Variants in NUBPL observed in about 807,000 individuals in gnomAD.
The protein encoded by NUBPL is iron-sulfur cluster transfer protein NUBPL.
Under a neutral mutation model 45.7 loss-of-function variants are expected in NUBPL, and 31 were observed. The observed-to-expected ratio is 0.68, with a 90% CI of 0.51 to 0.92. The LOEUF is 0.92. Among genes scored for constraint, NUBPL ranks in the 40% least tolerant of loss-of-function variants. NUBPL has a pLI of 0.00. For synonymous variants in NUBPL, 144 were observed against 140.9 expected, an observed-to-expected ratio of 1.02 and a Z score of -0.15; for missense variants, 401 against 398.7, an observed-to-expected ratio of 1.01 and a Z score of -0.05.
At chr14:31,574,920 A>G (rs2033682639) in intron 3 of NUBPL, among the ~76,000 whole-genome samples, 1 of 152,026 alleles carries the variant, frequency 6.6e-6, no homozygotes. Flanking sequence ...TTACATTTTT[A>G]CTGATTTTTC....
At chr14:31,743,765 C>G (rs1314227942) in intron 6 of NUBPL, among the ~76,000 whole-genome samples, 1 of 152,062 alleles carries the variant, frequency 6.6e-6, no homozygotes, top group Non-Finnish European at 1.5e-5. Flanking sequence ...GAAAAGTTTA[C>G]CACTAGAGAG....
chr14:31,620,841 T>C (rs2035039917), intron 4 of NUBPL, among the ~76,000 whole-genome samples: 1 of 152,172 alleles, frequency 6.6e-6, no homozygotes, highest in Non-Finnish European at 1.5e-5. Flanking sequence ...TCTTCAGAGC[T>C]GTTAGGCAGG....
chr14:31,562,527 C>A lies in NUBPL; in HGVS notation c.256+312C>A, dbSNP rs528516566. On this transcript the variant is annotated intron_variant, in intron 2 of 10. Transcript: ENST00000281081. ...TGGTTATTCAAATTGCACAAGCTAA[C>A]CACTTAGCTTAGTGTTTACTAGTGT... Among the ~76,000 whole-genome samples, 36 of 151,970 alleles carry A rather than the reference C, an allele frequency of 2.4e-4. No individual in the cohort carries two copies. In the Middle Eastern group the frequency reaches 0.01, roughly 43 times the overall value.
intron 6 of NUBPL, among the ~76,000 whole-genome samples, chr14:31,745,339 A>C (rs531210921): frequency 1.1e-3 from 167 of 150,412 alleles, no homozygotes; most frequent in Non-Finnish European, 1.8e-3. Flanking sequence ...GCTGAGAATG[A>C]TGGTTTCCAC....
intron 3 of NUBPL, among the ~76,000 whole-genome samples, chr14:31,582,745 G>A (rs1004710905): frequency 6.6e-6 from 1 of 151,952 alleles, no homozygotes; most frequent in African/African-American, 2.4e-5. Context: ...TATTATAAAC[G>A]ATACATGTTT....
intron 6 of NUBPL, among the ~76,000 whole-genome samples, chr14:31,759,486 A>G (rs1214682979): frequency 6.6e-6 from 1 of 152,154 alleles, no homozygotes; most frequent in Non-Finnish European, 1.5e-5. Context: ...ATGTTTTAAT[A>G]TATGTAGACA....
At chr14:31,770,688 T>G (rs1444735556) in intron 6 of NUBPL, among the ~76,000 whole-genome samples, 2 of 152,300 alleles carry the variant, frequency 1.3e-5, no homozygotes, top group East Asian at 3.9e-4. Flanking sequence ...TTGGGAAGGC[T>G]TATATCATCT....
intron 6 of NUBPL, among the ~76,000 whole-genome samples, chr14:31,696,593 CGT>C (rs781319340): frequency 6.6e-6 from 1 of 151,712 alleles, no homozygotes; most frequent in East Asian, 1.9e-4. Flanking sequence ...GAAAAAAAAA[CGT>C]GTTCTCAACC....
intron 7 of NUBPL, among the ~76,000 whole-genome samples, chr14:31,812,096 C>T (rs114981388): frequency 0.063 from 9,609 of 152,274 alleles, 409 homozygotes; most frequent in Non-Finnish European, 0.092. Flanking sequence ...ACATGGGGGT[C>T]ATGGACCCAC....
chr14:31,751,250 C>T (rs1205409994), intron 6 of NUBPL, among the ~76,000 whole-genome samples: 1 of 152,210 alleles, frequency 6.6e-6, no homozygotes, highest in Non-Finnish European at 1.5e-5. Flanking sequence ...CCCAACAGTT[C>T]CCCAGAGTCT....
At chr14:31,723,194 T>C (rs1435337972) in intron 6 of NUBPL, among the ~76,000 whole-genome samples, 1 of 152,210 alleles carries the variant, frequency 6.6e-6, no homozygotes, top group Non-Finnish European at 1.5e-5. Flanking sequence ...GTTTATTGAA[T>C]AGGGAGTCTT....
intron 6 of NUBPL, among the ~76,000 whole-genome samples, chr14:31,785,708 A>G (rs2039272089): frequency 6.6e-6 from 1 of 152,110 alleles, no homozygotes; most frequent in African/African-American, 2.4e-5. Flanking sequence ...TGTCAGTTCC[A>G]TCATGGTTGT....
At chr14:31,602,265 G>A (rs1412282696) in intron 4 of NUBPL, among the ~76,000 whole-genome samples, 5 of 152,026 alleles carry the variant, frequency 3.3e-5, no homozygotes, top group African/African-American at 1.2e-4. Context: ...GGGAGGGATA[G>A]CATTGGGAGA....
chr14:31,734,004 CT>C (rs1451742200), intron 6 of NUBPL, among the ~76,000 whole-genome samples: 3 of 152,110 alleles, frequency 2.0e-5, no homozygotes, highest in African/African-American at 7.2e-5. Context: ...AATGATTTTT[CT>C]GCATTTGTTG....
chr14:31,826,115 T>G (rs867811004), intron 7 of NUBPL, among the ~76,000 whole-genome samples: 9 of 152,114 alleles, frequency 5.9e-5, no homozygotes, highest in African/African-American at 2.2e-4. Flanking sequence ...GTTGCGATTT[T>G]TATTTTATTT....
chr14:31,591,698 A>G (rs1245622982), intron 3 of NUBPL, among the ~76,000 whole-genome samples: 2 of 152,048 alleles, frequency 1.3e-5, no homozygotes, highest in African/African-American at 4.8e-5. Context: ...ATATTACTTA[A>G]TTTTGAGCCC....
intron 4 of NUBPL, among the ~76,000 whole-genome samples, chr14:31,640,132 C>G (rs980304494): frequency 3.3e-5 from 5 of 152,174 alleles, no homozygotes; most frequent in African/African-American, 9.6e-5. Context: ...GTGAGATGAA[C>G]CCGGTACCTC....
chr14:31,668,910 C>T (rs901509176), intron 4 of NUBPL, among the ~76,000 whole-genome samples: 1 of 152,180 alleles, frequency 6.6e-6, no homozygotes, highest in Admixed American at 6.5e-5. Flanking sequence ...CTGTGTATCT[C>T]AGTTGGAAAT....
At chr14:31,663,493 G>A (rs1679735871) in intron 4 of NUBPL, among the ~76,000 whole-genome samples, 1 of 152,140 alleles carries the variant, frequency 6.6e-6, no homozygotes, top group Non-Finnish European at 1.5e-5. Flanking sequence ...TATTAAATAG[G>A]GAATCCTTTT....
Sources: allele counts gnomAD v4.1 joint callset (sites outside exome capture counted in the v4.1 genomes callset), GRCh38; gene constraint gnomAD v4.1.1; transcripts MANE v1.5; gene names NCBI Gene and HGNC (gene_info 2026-07-23, HGNC 2026-07-21).